Variants in LMF1 observed in about 807,000 individuals in gnomAD.
LMF1 encodes transmembrane protein 112.
In LMF1, 68 loss-of-function variants were observed where a neutral mutation model predicts 60.6. The observed-to-expected ratio is 1.12, with a 90% CI of 0.92 to 1.37. LMF1 has a LOEUF of 1.37. Among genes scored for constraint, LMF1 ranks in the 40% most tolerant of loss-of-function variants. The pLI is 0.00. For missense variants in LMF1, 948 were observed against 767.2 expected, an observed-to-expected ratio of 1.24 and a Z score of -2.78; for synonymous variants, 418 against 324.7, an observed-to-expected ratio of 1.29 and a Z score of -3.09.
intron 1 of LMF1, among the ~76,000 whole-genome samples, chr16:964,295 C>CAAAAAAAAAAAAAAAAAAAA (rs68176791): frequency 1.6e-5 from 1 of 63,826 alleles, no homozygotes. Context: ...AACTCTGTCT[C>CAAAAAAAAAAAAAAAAAAAA]AAAAAAAAAA....
chr16:874,725 C>T lies in LMF1; in HGVS notation c.898-3384G>A, dbSNP rs896498151. Among the ~76,000 whole-genome samples, 5 of 151,782 alleles carry T rather than the reference C, an allele frequency of 3.3e-5. No homozygotes were observed. Among genetic ancestry groups the T allele is most frequent in the African/African-American group, 1.2e-4 (5 of 41,342 alleles). On this transcript the variant is annotated intron_variant, in intron 6 of 10. Transcript: ENST00000262301. This position sits in a 1 kb window ranked among gnomAD's most constrained non-coding sequence, Gnocchi z 4.1. Reference sequence around the variant, plus strand: ...GAACACACGGAACCAGGACGGGATCCGGGGAGGCGGCGCTCAGATGGGAAC... The same window carrying T: ...GAACACACGGAACCAGGACGGGATCTGGGGAGGCGGCGCTCAGATGGGAAC...
Position 970,954 on chromosome 16 carries a change from C to G in LMF1, c.27G>C (p.Ala9=). 1 of 1,537,860 alleles carries G rather than the reference C, an allele frequency of 6.5e-7. No homozygotes were observed. The highest frequency in any genetic ancestry group is 8.8e-7 in the Non-Finnish European group (1 of 1,137,268). MRPDSPTM[A]APAESLRRRK... is the part of the protein sequence containing the mutation. The stretch of plus-strand genomic sequence containing the variant: ...GCCTCCTCAGCGACTCCGCGGGCGC[C>G]GCCATTGTTGGGCTGTCAGGGCGCA... Residue 9 remains alanine, a synonymous_variant, in exon 1 of 11, where the codon GCG becomes GCC. Transcript: ENST00000262301.
intron 2 of LMF1, chr16:947,707 A>C: frequency 7.5e-6 from 3 of 397,992 alleles, no homozygotes; most frequent in South Asian, 5.5e-5. Context: ...GAAGAGCAGC[A>C]AAGCAGCCTG....
At chr16:963,337 C>T (rs936370136) in intron 1 of LMF1, among the ~76,000 whole-genome samples, 1 of 152,118 alleles carries the variant, frequency 6.6e-6, no homozygotes, top group African/African-American at 2.4e-5. Context: ...GCACCAGCAG[C>T]TTCCACAGCT....
In LMF1 at chr16:956,462, C is replaced by T. The variant is rs530883908; in HGVS notation, c.194-1796G>A. Reference sequence around the variant, plus strand: ...AATGTGAATCAAAAGAAAGCTGGATCTAATTCATCATGGCTGAAAAAAATT... The same window carrying T: ...AATGTGAATCAAAAGAAAGCTGGATTTAATTCATCATGGCTGAAAAAAATT... On this transcript the variant is annotated intron_variant, in intron 1 of 10. Coordinates refer to ENST00000262301, the MANE Select transcript of LMF1 (RefSeq NM_022773.4). Among the ~76,000 whole-genome samples, 13 of 152,190 alleles carry T rather than the reference C, an allele frequency of 8.5e-5. 1 individual carries two copies. The South Asian group carries it at 2.5e-3, about 29-fold the overall frequency.
At chr16:936,315 A>T (rs1401207934) in intron 2 of LMF1, among the ~76,000 whole-genome samples, 1 of 134,304 alleles carries the variant, frequency 7.4e-6, no homozygotes, top group Non-Finnish European at 1.6e-5. Context: ...TGGGCTGAGG[A>T]AGGTGGCTGG....
At chr16:927,677 G>A (rs1004060152) in intron 3 of LMF1, among the ~76,000 whole-genome samples, 3 of 152,240 alleles carry the variant, frequency 2.0e-5, no homozygotes, top group Non-Finnish European at 2.9e-5. Context: ...CAGCCCAGGC[G>A]GAGCTCACCC....
At chr16:886,577 G>A (rs1214958192) in intron 5 of LMF1, among the ~76,000 whole-genome samples, 1 of 32,540 alleles carries the variant, frequency 3.1e-5, no homozygotes, top group Admixed American at 4.4e-4. Context: ...TAGGCCCCCG[G>A]CGTTCCCCAG....
At chr16:894,029 C>CTGTCTGCCCACT in intron 4 of LMF1, among the ~76,000 whole-genome samples, 1 of 148,000 alleles carries the variant, frequency 6.8e-6, no homozygotes, top group African/African-American at 2.5e-5. Flanking sequence ...GTCCACCGGG[C>CTGTCTGCCCACT]CGTCTGCCCA....
At chr16:952,292 C>G (rs2072492592) in intron 2 of LMF1, among the ~76,000 whole-genome samples, 1 of 144,856 alleles carries the variant, frequency 6.9e-6, no homozygotes, top group South Asian at 2.3e-4. Context: ...CACTCCAGCA[C>G]AGCCACAAAG....
At chr16:976,199 C>G in intron 1 of LMF1, 4 of 450,332 alleles carry the variant, frequency 8.9e-6, no homozygotes, top group Non-Finnish European at 1.8e-5. Context: ...CACGGATGGG[C>G]TGGGGGCTGG....
At chr16:879,384 G>A (rs1449440517) in intron 6 of LMF1, among the ~76,000 whole-genome samples, 186 bp downstream of exon 6, 5 of 152,136 alleles carry the variant, frequency 3.3e-5, no homozygotes, top group Non-Finnish European at 7.3e-5. Flanking sequence ...GAGACCCTCA[G>A]CCTGCAGCCC....
At chr16:903,542 T>C (rs28493138) in intron 4 of LMF1, 28 of 76,240 alleles carry the variant, frequency 3.7e-4, no homozygotes, top group African/African-American at 1.5e-3. Context: ...GTCTCTGCTG[T>C]GTGGTGGTGA....
At chr16:891,982 G>A (rs2070502334) in intron 5 of LMF1, among the ~76,000 whole-genome samples, 2 of 152,232 alleles carry the variant, frequency 1.3e-5, no homozygotes, top group Admixed American at 6.5e-5. Context: ...TCCTCAGCAA[G>A]GCGGGGCACT....
chr16:863,082 A>C (rs370533511), intron 10 of LMF1, among the ~76,000 whole-genome samples: 1 of 152,170 alleles, frequency 6.6e-6, no homozygotes, highest in Non-Finnish European at 1.5e-5. Context: ...GAATTGGTCT[A>C]TTTCATCCAA....
chr16:872,836 A>C (rs1358327289), intron 6 of LMF1: 2 of 152,314 alleles, frequency 1.3e-5, no homozygotes, highest in Non-Finnish European at 2.9e-5. Context: ...GACCTGGGGC[A>C]CAGCCTGAGC....
intron 2 of LMF1, among the ~76,000 whole-genome samples, chr16:940,747 A>G (rs2072079309): frequency 6.6e-6 from 1 of 151,944 alleles, no homozygotes; most frequent in African/African-American, 2.4e-5. Flanking sequence ...TGAAAAGAAC[A>G]CTCTTCTTAG....
chr16:910,939 G>A lies in LMF1; in HGVS notation c.655C>T (p.Leu219Phe). The part of the protein sequence containing the change: ...GFRWLIFRIM[L>F]GAGLIKIRGD... Reference sequence around the variant, plus strand: ...AGAAGAGCTCCACTTACTGCTCCAAGCATGATCCTGAAGATCAGCCACCGG... The same window carrying A: ...AGAAGAGCTCCACTTACTGCTCCAAACATGATCCTGAAGATCAGCCACCGG... Residue 219 changes from leucine (L) to phenylalanine (F), a missense_variant, in exon 4 of 11, where the codon CTT (leucine) becomes TTT (phenylalanine). Coordinates refer to ENST00000262301, the MANE Select transcript of LMF1 (RefSeq NM_022773.4). 1 of 1,612,870 alleles carries A rather than the reference G, an allele frequency of 6.2e-7. No homozygotes were observed. The highest frequency in any genetic ancestry group is 2.2e-5 in the East Asian group (1 of 44,880).
At chr16:929,844 G>T (rs1023112025) in intron 3 of LMF1, among the ~76,000 whole-genome samples, 1 of 152,260 alleles carries the variant, frequency 6.6e-6, no homozygotes, top group Non-Finnish European at 1.5e-5. Flanking sequence ...AGTCACGTCC[G>T]TCTGTGAACG....
Sources: gnomAD v4.1 joint callset for allele counts (sites outside exome capture counted in the v4.1 genomes callset) on GRCh38, gnomAD v4.1.1 for gene constraint, Gnocchi (gnomAD v3.1) non-coding constraint, MANE v1.5 for transcripts, NCBI Gene and HGNC (gene_info 2026-07-23, HGNC 2026-07-21) for gene names.